UBE4B: variants seen among roughly 807,000 people sequenced by gnomAD.
UBE4B encodes the protein ubiquitination factor E4B.
Under a neutral mutation model 148.1 loss-of-function variants are expected in UBE4B, and 27 were observed. The ratio of observed to expected loss-of-function variants is 0.18; its 90% CI spans 0.13 to 0.25. The LOEUF (loss-of-function observed/expected upper bound fraction) is 0.25, where lower values mean the gene tolerates loss of function less well. UBE4B is among the 10% of genes least tolerant of loss of function. The probability of loss-of-function intolerance (pLI) is 1.00; values close to 1 mark genes in which losing one functional copy is unlikely to be tolerated. For synonymous variants in UBE4B, 596 were observed against 619.3 expected, an observed-to-expected ratio of 0.96 and a Z score of 0.56; for missense variants, 1,170 against 1,662.4, an observed-to-expected ratio of 0.70 and a Z score of 5.15.
intron 26 of UBE4B, chr1:10,179,196 CT>C: frequency 1.7e-6 from 1 of 577,880 alleles, no homozygotes; most frequent in Non-Finnish European, 2.9e-6. Context: ...TCTCTGTTCC[CT>C]CCCCCCAGCA....
At chr1:10,102,803 T>TC (rs1645037574) in intron 4 of UBE4B, 145 bp from the exon 5 acceptor site, 2 of 800,894 alleles carry the variant, frequency 2.5e-6, no homozygotes, top group Non-Finnish European at 3.8e-6. Flanking sequence ...GGCTTACTTT[T>TC]CCCCTAATCA....
intron 2 of UBE4B, among the ~76,000 whole-genome samples, chr1:10,077,889 T>C (rs778275026): frequency 1.4e-4 from 22 of 152,364 alleles, no homozygotes; most frequent in Non-Finnish European, 2.2e-4. Context: ...ATTCCAGATA[T>C]TTCTTCATGT....
At chr1:10,114,735 G>A (rs1403448924) in intron 7 of UBE4B, among the ~76,000 whole-genome samples, 1 of 152,076 alleles carries the variant, frequency 6.6e-6, no homozygotes, top group African/African-American at 2.4e-5. Context: ...ATGGTGGCGA[G>A]CGCCTGTAGT....
At chr1:10,072,741 C>T in intron 2 of UBE4B, 1 of 406,078 alleles carries the variant, frequency 2.5e-6, no homozygotes, top group Non-Finnish European at 4.4e-6. Context: ...TGCTTGATAT[C>T]CAGGACTGTC....
In UBE4B at chr1:10,174,466, C is replaced by T. The variant is rs183626245; in HGVS notation, c.3525+3137C>T. On this transcript the variant is annotated intron_variant, in intron 25 of 27. Transcript: ENST00000343090. Reference sequence around the variant, plus strand: ...CTGTAATCCCAGCACTTTGGGGAGCCGAGGCGGGCAGATCACCTGAGGTCA... The same window carrying T: ...CTGTAATCCCAGCACTTTGGGGAGCTGAGGCGGGCAGATCACCTGAGGTCA... Among the ~76,000 whole-genome samples, 6 of 151,076 alleles carry T rather than the reference C, an allele frequency of 4.0e-5. No individual in the cohort carries two copies. The East Asian group carries it at 5.9e-4, about 15-fold the overall frequency.
intron 3 of UBE4B, 79 bp downstream of exon 3, chr1:10,095,675 T>C: frequency 1.3e-6 from 2 of 1,558,682 alleles, no homozygotes; most frequent in East Asian, 2.2e-5. Flanking sequence ...CTCTAGTCCA[T>C]AGTCAGAAAT....
intron 2 of UBE4B, among the ~76,000 whole-genome samples, chr1:10,094,948 T>G (rs1644907356): frequency 6.6e-6 from 1 of 152,060 alleles, no homozygotes; most frequent in Non-Finnish European, 1.5e-5. Flanking sequence ...CCAGCTAATT[T>G]TTGTATTTTT....
At chr1:10,096,877 A>G (rs1459442528) in intron 3 of UBE4B, among the ~76,000 whole-genome samples, 1 of 151,936 alleles carries the variant, frequency 6.6e-6, no homozygotes, top group African/African-American at 2.4e-5. Context: ...CGTCTCTACT[A>G]AAAATACAAA....
At chr1:10,129,245 T>C (rs1408692471) in intron 11 of UBE4B, 147 bp from the exon 12 acceptor site, 2 of 533,868 alleles carry the variant, frequency 3.7e-6, no homozygotes, top group Non-Finnish European at 6.7e-6. Flanking sequence ...GAAAAAGTAG[T>C]GAAGCTGCTG....
At chr1:10,080,638 C>G (rs1324006102) in intron 2 of UBE4B, among the ~76,000 whole-genome samples, 1 of 152,048 alleles carries the variant, frequency 6.6e-6, no homozygotes, top group Non-Finnish European at 1.5e-5. Flanking sequence ...TTCCAAATAG[C>G]CAAGATATGG....
chr1:10,156,856 G>C (rs1311913028), intron 21 of UBE4B, among the ~76,000 whole-genome samples: 1 of 152,054 alleles, frequency 6.6e-6, no homozygotes, highest in Non-Finnish European at 1.5e-5. Flanking sequence ...ACAAAAAAAT[G>C]TGTTCTTTGG....
At chr1:10,176,868 C>T (rs796307294) in intron 25 of UBE4B, among the ~76,000 whole-genome samples, 25 of 150,842 alleles carry the variant, frequency 1.7e-4, no homozygotes, top group African/African-American at 6.1e-4. Flanking sequence ...CTACTGCAAC[C>T]TCCACCTCCC....
intron 17 of UBE4B, among the ~76,000 whole-genome samples, chr1:10,137,691 A>G (rs781579515): frequency 1.3e-5 from 2 of 152,068 alleles, no homozygotes; most frequent in Non-Finnish European, 2.9e-5. Flanking sequence ...CAAATTTCCA[A>G]TTCATTAGCA....
At chr1:10,175,992 C>A (rs1646424250) in intron 25 of UBE4B, among the ~76,000 whole-genome samples, 1 of 152,140 alleles carries the variant, frequency 6.6e-6, no homozygotes, top group African/African-American at 2.4e-5. Context: ...CTGTCTAGAC[C>A]CCCTTGCCCC....
chr1:10,171,644 G>C (rs1211949866), intron 25 of UBE4B, among the ~76,000 whole-genome samples: 1 of 152,230 alleles, frequency 6.6e-6, no homozygotes, highest in African/African-American at 2.4e-5. Context: ...CACTTTGGGA[G>C]GTCGAGGCGG....
intron 1 of UBE4B, among the ~76,000 whole-genome samples, chr1:10,044,064 A>C (rs934595895): frequency 6.6e-6 from 1 of 151,456 alleles, no homozygotes; most frequent in Non-Finnish European, 1.5e-5. Context: ...TTGGAGACAG[A>C]GTCTTGCTCT....
At chr1:10,158,574 G>T in intron 22 of UBE4B, 92 bp downstream of exon 22, 1 of 1,504,842 alleles carries the variant, frequency 6.6e-7, no homozygotes, top group South Asian at 1.3e-5. Context: ...GGTTCTTGTT[G>T]ACTGTTTGCT....
At chr1:10,054,419 CTT>C (rs1644120855) in intron 1 of UBE4B, 1 of 308,172 alleles carries the variant, frequency 3.2e-6, no homozygotes, top group Non-Finnish European at 6.2e-6. Context: ...GTTCAGAGGT[CTT>C]TTATTTTTTT....
At chr1:10,170,958 A>G in intron 24 of UBE4B, 180 bp from the exon 25 acceptor site, 1 of 553,108 alleles carries the variant, frequency 1.8e-6, no homozygotes. Context: ...ATCAGATCAG[A>G]AATGGGGAGT....
Sources: allele counts gnomAD v4.1 joint callset (sites outside exome capture counted in the v4.1 genomes callset), GRCh38; gene constraint gnomAD v4.1.1; transcripts MANE v1.5; gene names NCBI Gene and HGNC (gene_info 2026-07-23, HGNC 2026-07-21).